SH3GL2: variants seen among roughly 807,000 people sequenced by gnomAD.
SH3GL2 encodes the protein SH3 domain containing GRB2 like 2, endophilin A1, also known as endophilin-A1.
Under a neutral mutation model 46.0 loss-of-function variants are expected in SH3GL2, and 24 were observed. The ratio of observed to expected loss-of-function variants is 0.52; its 90% CI spans 0.38 to 0.73. SH3GL2 has a LOEUF of 0.73. Among genes scored for constraint, SH3GL2 ranks in the 30% least tolerant of loss-of-function variants. SH3GL2 has a pLI of 0.00. For missense variants in SH3GL2, 413 were observed against 424.2 expected (o/e 0.97, Z 0.23); for synonymous variants, 196 against 147.1 (o/e 1.33, Z -2.40).
In SH3GL2 at chr9:17,789,432, A is replaced by T; in HGVS notation, c.506A>T (p.Asp169Val). ...KKLEGRRLDFDYKKKRQGKIP... is the reference protein window; with the variant it reads ...KKLEGRRLDFVYKKKRQGKIP... Reference sequence around the variant, plus strand: ...TTGGAGGGTCGACGCCTGGATTTTGATTATAAGAAGAAACGACAAGGCAAG... The same window carrying T: ...TTGGAGGGTCGACGCCTGGATTTTGTTTATAAGAAGAAACGACAAGGCAAG... The change falls in exon 6 of 9, where the codon GAT becomes GTT. Residue 169 changes from aspartate to valine, a missense_variant. Transcript: ENST00000380607. The T allele has an allele frequency of 6.2e-7, 1 of 1,613,484 alleles. No homozygotes were observed. The highest frequency in any genetic ancestry group is 8.5e-7 in the Non-Finnish European group (1 of 1,179,604).
At chr9:17,615,546 T>A (rs373823402) in intron 1 of SH3GL2, among the ~76,000 whole-genome samples, 1 of 150,652 alleles carries the variant, frequency 6.6e-6, no homozygotes, top group East Asian at 2.0e-4. Flanking sequence ...TCCCAGCTAC[T>A]CGGGAAGCTG....
At chr9:17,588,604 G>A (rs1317007766) in intron 1 of SH3GL2, among the ~76,000 whole-genome samples, 1 of 152,124 alleles carries the variant, frequency 6.6e-6, no homozygotes, top group Admixed American at 6.5e-5. Flanking sequence ...CATCAGCAGG[G>A]AAAATAGGGA....
chr9:17,632,712 G>A (rs1156701529), intron 1 of SH3GL2, among the ~76,000 whole-genome samples: 31 of 152,006 alleles, frequency 2.0e-4, no homozygotes, highest in Admixed American at 2.0e-3. Flanking sequence ...TTTTGTTCTT[G>A]TAACCAACCA....
intron 1 of SH3GL2, among the ~76,000 whole-genome samples, chr9:17,734,161 C>G (rs1000825306): frequency 3.9e-5 from 6 of 152,106 alleles, no homozygotes; most frequent in Non-Finnish European, 7.4e-5. Context: ...TTTTCAAGAT[C>G]ATCTGGAATG....
At chr9:17,702,059 T>C (rs1452656227) in intron 1 of SH3GL2, among the ~76,000 whole-genome samples, 1 of 152,076 alleles carries the variant, frequency 6.6e-6, no homozygotes, top group Non-Finnish European at 1.5e-5. Flanking sequence ...CTTTGATATT[T>C]AACATAGTGT....
chr9:17,789,351 T>C, intron 5 of SH3GL2, 41 bp from the exon 6 acceptor site: 1 of 1,578,372 alleles, frequency 6.3e-7, no homozygotes, highest in Non-Finnish European at 8.7e-7. Context: ...GCCTTTTCCA[T>C]AAGCCCTTTC....
chr9:17,583,582 C>G (rs907204554), intron 1 of SH3GL2, among the ~76,000 whole-genome samples: 3 of 152,188 alleles, frequency 2.0e-5, no homozygotes, highest in African/African-American at 7.2e-5. Flanking sequence ...ATTACCCCGT[C>G]TAAGATATTT....
At chr9:17,591,199 A>T (rs917980922) in intron 1 of SH3GL2, 2 of 152,192 alleles carry the variant, frequency 1.3e-5, no homozygotes, top group Non-Finnish European at 2.9e-5. Flanking sequence ...CTTATCATAA[A>T]ATCTCTATAT....
intron 3 of SH3GL2, among the ~76,000 whole-genome samples, chr9:17,776,420 A>G (rs1823642178): frequency 6.6e-6 from 1 of 152,106 alleles, no homozygotes. Context: ...GTCCCCTGAC[A>G]TTTTACACTT....
chr9:17,703,454 T>A (rs922447873), intron 1 of SH3GL2, among the ~76,000 whole-genome samples: 1 of 151,732 alleles, frequency 6.6e-6, no homozygotes, highest in Non-Finnish European at 1.5e-5. Flanking sequence ...TTCTGTGAGG[T>A]CAGCATCATC....
Position 17,793,504 on chromosome 9 carries a change from G to A in SH3GL2, c.859+7G>A, listed in dbSNP as rs751942602. 2.2e-5 allele frequency: 35 copies of A among 1,612,546 alleles called. No individual in the cohort carries two copies. The South Asian group carries it at 3.0e-4, about 14-fold the overall frequency. ...GGCACTCCCAAACCTTCAGGTAAGA[G>A]CTGAAACTGCAGATCCTATTGCATA... On this transcript the variant is annotated splice_region_variant and intron_variant, in intron 8 of 8. Coordinates refer to ENST00000380607, the MANE Select transcript of SH3GL2 (RefSeq NM_003026.5).
chr9:17,768,370 CAA>C (rs34891273), intron 3 of SH3GL2, among the ~76,000 whole-genome samples: 5,062 of 66,868 alleles, frequency 0.076, 39 homozygotes, highest in Non-Finnish European at 0.099. Flanking sequence ...GACTCTGTCT[CAA>C]AAAAAAAAAA....
intron 1 of SH3GL2, among the ~76,000 whole-genome samples, chr9:17,587,828 G>A (rs936437317): frequency 1.3e-5 from 2 of 151,964 alleles, no homozygotes; most frequent in African/African-American, 4.8e-5. Context: ...AGAGGTTGCA[G>A]TGAGCCAGAT....
intron 1 of SH3GL2, among the ~76,000 whole-genome samples, chr9:17,622,937 C>T (rs1819177608): frequency 6.7e-6 from 1 of 150,126 alleles, no homozygotes; most frequent in South Asian, 2.1e-4. Flanking sequence ...CTGCTCCTTC[C>T]TTGCTTCTTC....
At chr9:17,625,393 C>T (rs1443018392) in intron 1 of SH3GL2, among the ~76,000 whole-genome samples, 1 of 152,178 alleles carries the variant, frequency 6.6e-6, no homozygotes, top group Non-Finnish European at 1.5e-5. Flanking sequence ...TACAGTCCAC[C>T]TCCTTTCATT....
intron 1 of SH3GL2, among the ~76,000 whole-genome samples, chr9:17,662,121 C>T (rs964745431): frequency 6.6e-6 from 1 of 152,106 alleles, no homozygotes; most frequent in Non-Finnish European, 1.5e-5. Context: ...TAAGAATGTG[C>T]ATTCTTTGTG....
intron 1 of SH3GL2, among the ~76,000 whole-genome samples, chr9:17,716,957 T>C (rs1258717576): frequency 6.6e-6 from 1 of 152,150 alleles, no homozygotes. Flanking sequence ...TATGGTTGAT[T>C]GGTTGGTTGG....
chr9:17,720,460 A>G (rs1463590643), intron 1 of SH3GL2, among the ~76,000 whole-genome samples: 1 of 152,080 alleles, frequency 6.6e-6, no homozygotes, highest in Non-Finnish European at 1.5e-5. Context: ...AAGTACAGAA[A>G]ACAGAAATGA....
intron 1 of SH3GL2, among the ~76,000 whole-genome samples, chr9:17,650,534 G>C (rs569683635): frequency 6.6e-6 from 1 of 152,040 alleles, no homozygotes; most frequent in Non-Finnish European, 1.5e-5. Context: ...ACCACGCCTG[G>C]CTAATTTTTG....
Sources: allele counts gnomAD v4.1 joint callset (sites outside exome capture counted in the v4.1 genomes callset), GRCh38; gene constraint gnomAD v4.1.1; transcripts MANE v1.5; gene names NCBI Gene and HGNC (gene_info 2026-07-23, HGNC 2026-07-21).